Variants in THADA observed in about 807,000 individuals in gnomAD.
The protein encoded by THADA is tRNA (32-2'-O)-methyltransferase regulator THADA.
A neutral mutation model predicts 219.8 loss-of-function variants in THADA; 213 were observed. The ratio of observed to expected loss-of-function variants is 0.97; its 90% CI spans 0.87 to 1.09. THADA has a LOEUF of 1.09. Among genes scored for constraint, THADA ranks in the 50% least tolerant of loss-of-function variants. THADA has a pLI of 0.00. For synonymous variants in THADA, 1,018 were observed against 828.9 expected, an observed-to-expected ratio of 1.23 and a Z score of -3.92; for missense variants, 2,956 against 2,311.3, an observed-to-expected ratio of 1.28 and a Z score of -5.72.
intron 7 of THADA, among the ~76,000 whole-genome samples, chr2:43,582,973 TTA>T (rs1700617656): frequency 6.6e-6 from 1 of 152,144 alleles, no homozygotes; most frequent in African/African-American, 2.4e-5. Context: ...CCTGATCTTT[TTA>T]TGTTAGGAAT....
At chr2:43,474,334 G>A (rs1685259935) in intron 26 of THADA, among the ~76,000 whole-genome samples, 1 of 152,222 alleles carries the variant, frequency 6.6e-6, no homozygotes, top group South Asian at 2.1e-4. Context: ...AAGCTGAAGT[G>A]AGGAAATGGG....
chr2:43,307,141 G>A (rs866248809), intron 31 of THADA, among the ~76,000 whole-genome samples: 1 of 152,178 alleles, frequency 6.6e-6, no homozygotes, highest in South Asian at 2.1e-4. Context: ...CATTGGATAT[G>A]AGCAATGCAA....
chr2:43,402,727 G>A (rs2104732432), intron 28 of THADA, among the ~76,000 whole-genome samples: 1 of 152,300 alleles, frequency 6.6e-6, no homozygotes, highest in Admixed American at 6.5e-5. Flanking sequence ...GTCTAGTGTG[G>A]AAGACAGAAG....
At chr2:43,250,701 A>AAAAATAAAATAAAAT (rs59292030) in intron 36 of THADA, among the ~76,000 whole-genome samples, 108 of 152,092 alleles carry the variant, frequency 7.1e-4, no homozygotes, top group African/African-American at 2.5e-3. Context: ...GTTTCTCTAT[A>AAAAATAAAATAAAAT]AAAATAAAAT....
chr2:43,515,400 T>TA (rs1691601226), intron 22 of THADA, among the ~76,000 whole-genome samples: 1 of 110,888 alleles, frequency 9.0e-6, no homozygotes, highest in African/African-American at 3.5e-5. Context: ...ATATAATATA[T>TA]ATAAACTATA....
intron 28 of THADA, among the ~76,000 whole-genome samples, chr2:43,407,462 C>T (rs960821432): frequency 3.3e-5 from 5 of 152,110 alleles, no homozygotes. Context: ...ATTCAAAGTA[C>T]TCTAATTCTA....
At chr2:43,232,933 C>A in intron 36 of THADA, 51 bp from the exon 37 acceptor site, 1 of 1,538,664 alleles carries the variant, frequency 6.5e-7, no homozygotes, top group Non-Finnish European at 8.8e-7. Context: ...CAGGGCCGAC[C>A]CCAGGGCAGC....
chr2:43,549,755 T>G (rs1415950103), intron 19 of THADA, among the ~76,000 whole-genome samples: 5 of 151,738 alleles, frequency 3.3e-5, no homozygotes, highest in Admixed American at 1.3e-4. Flanking sequence ...GAAAGAAAAA[T>G]GAAGCAGGCA....
chr2:43,423,041 T>C (rs1356434675), intron 28 of THADA, among the ~76,000 whole-genome samples: 1 of 152,216 alleles, frequency 6.6e-6, no homozygotes, highest in Non-Finnish European at 1.5e-5. Flanking sequence ...ATTCAAGCAT[T>C]TGCCCAATGC....
At chr2:43,291,378 T>C (rs1674683084) in intron 34 of THADA, among the ~76,000 whole-genome samples, 1 of 137,598 alleles carries the variant, frequency 7.3e-6, no homozygotes, top group Non-Finnish European at 1.5e-5. Context: ...CGCTTGAACC[T>C]GGGAGGCAAA....
chr2:43,514,457 TATATATATAATATATA>T (rs1690912786), intron 22 of THADA, among the ~76,000 whole-genome samples: 3 of 141,302 alleles, frequency 2.1e-5, no homozygotes, highest in Non-Finnish European at 4.5e-5. Flanking sequence ...TCTTAAAAAA[TATATATATAATATATA>T]ATATATATAA....
At chr2:43,470,751 T>C (rs945392444) in intron 26 of THADA, among the ~76,000 whole-genome samples, 2 of 152,124 alleles carry the variant, frequency 1.3e-5, no homozygotes, top group Non-Finnish European at 2.9e-5. Context: ...GGAACAAAAG[T>C]GAAACAGATA....
At chr2:43,482,046 G>A (rs1350567266) in intron 26 of THADA, among the ~76,000 whole-genome samples, 4 of 152,176 alleles carry the variant, frequency 2.6e-5, no homozygotes, top group African/African-American at 9.7e-5. Flanking sequence ...ACATGGAGAT[G>A]GAGGCTATTT....
At chr2:43,566,202 C>A in intron 15 of THADA, 2 of 405,044 alleles carry the variant, frequency 4.9e-6, no homozygotes, top group Non-Finnish European at 8.8e-6. Flanking sequence ...GAAGGAAAAA[C>A]AAAGGGTATT....
chr2:43,233,342 A>G (rs989693010), intron 36 of THADA: 3 of 158,932 alleles, frequency 1.9e-5, no homozygotes, highest in African/African-American at 7.2e-5. Context: ...CAGAGAGTCA[A>G]TATTTTAGAC....
rs958277709 is a variant in THADA, at chr2:43,386,805, G to A, written c.4227+11166C>T. 6.0e-5 allele frequency among the ~76,000 whole-genome samples: 9 copies of A among 150,556 alleles called. 1 individual carries two copies. The highest frequency in any genetic ancestry group is 2.2e-4 in the African/African-American group (9 of 40,862). On this transcript the variant is annotated intron_variant, in intron 29 of 37. Transcript: ENST00000405975. ...CCAGCTACTCGGGAGGCTGAGGCAG[G>A]AGAATTTGCTTGAACCCGGGAGGCA...
At chr2:43,441,379 A>G (rs1460024981) in intron 26 of THADA, among the ~76,000 whole-genome samples, 1 of 152,258 alleles carries the variant, frequency 6.6e-6, no homozygotes, top group Non-Finnish European at 1.5e-5. Context: ...ACTCTGCATT[A>G]GCCAAAAGCT....
At chr2:43,454,995 T>C (rs1319761636) in intron 26 of THADA, among the ~76,000 whole-genome samples, 1 of 152,154 alleles carries the variant, frequency 6.6e-6, no homozygotes, top group Non-Finnish European at 1.5e-5. Context: ...CATTTTTCAT[T>C]CACTGTACTA....
At chr2:43,306,942 T>G (rs1676935023) in intron 31 of THADA, among the ~76,000 whole-genome samples, 1 of 152,202 alleles carries the variant, frequency 6.6e-6, no homozygotes, top group African/African-American at 2.4e-5. Context: ...TCACAATTTT[T>G]ATGACATTTA....
Sources: allele counts gnomAD v4.1 joint callset (sites outside exome capture counted in the v4.1 genomes callset), GRCh38; gene constraint gnomAD v4.1.1; transcripts MANE v1.5; gene names NCBI Gene and HGNC (gene_info 2026-07-23, HGNC 2026-07-21).